Variants in VGLL4 observed in about 807,000 individuals in gnomAD.
VGLL4 encodes vestigial like family member 4, also known as transcription cofactor vestigial-like protein 4.
A neutral mutation model predicts 21.0 loss-of-function variants in VGLL4; 7 were observed. The ratio of observed to expected loss-of-function variants is 0.33; its 90% CI spans 0.19 to 0.63. VGLL4 has a LOEUF of 0.63. Among genes scored for constraint, VGLL4 ranks in the 20% least tolerant of loss-of-function variants. The pLI, the probability that VGLL4 is intolerant of heterozygous loss-of-function variation, is 0.78. For missense variants in VGLL4, 394 were observed against 425.7 expected (o/e 0.93, Z 0.66); for synonymous variants, 222 against 173.2 (o/e 1.28, Z -2.21).
intron 1 of VGLL4, among the ~76,000 whole-genome samples, chr3:11,628,597 G>A (rs1336033598): frequency 2.0e-5 from 3 of 151,474 alleles, no homozygotes; most frequent in African/African-American, 7.3e-5. Context: ...AAGGCGGGCG[G>A]ATCACGAGGT....
intron 2 of VGLL4, among the ~76,000 whole-genome samples, chr3:11,589,624 T>C (rs906990323): frequency 9.8e-5 from 15 of 152,362 alleles, no homozygotes; most frequent in Admixed American, 9.8e-4. Context: ...TAGCTTGAGC[T>C]GCCATAACAA....
intron 1 of VGLL4, among the ~76,000 whole-genome samples, chr3:11,714,238 C>A (rs879597990): frequency 2.1e-4 from 32 of 152,292 alleles, no homozygotes; most frequent in African/African-American, 7.7e-4. Context: ...TTACTGCTGG[C>A]TGAAGTCCAC....
intron 1 of VGLL4, among the ~76,000 whole-genome samples, chr3:11,623,866 G>A (rs1480552963): frequency 2.7e-5 from 4 of 150,530 alleles, no homozygotes; most frequent in African/African-American, 9.8e-5. Flanking sequence ...TCAACCTCCC[G>A]AGCAGCTGGG....
At chr3:11,711,962 C>T (rs1348833357) in intron 1 of VGLL4, among the ~76,000 whole-genome samples, 1 of 152,142 alleles carries the variant, frequency 6.6e-6, no homozygotes, top group Non-Finnish European at 1.5e-5. Flanking sequence ...GGTTTTAAAT[C>T]CTCCAGCTCT....
At chr3:11,655,325 T>C (rs768988676) in intron 2 of VGLL4, among the ~76,000 whole-genome samples, 6 of 152,212 alleles carry the variant, frequency 3.9e-5, no homozygotes, top group Non-Finnish European at 5.9e-5. Flanking sequence ...GGAGGGCACC[T>C]GGCTGCTTTT....
intron 3 of VGLL4, 103 bp from the exon 4 acceptor site, chr3:11,559,558 C>A: frequency 7.1e-7 from 1 of 1,402,406 alleles, no homozygotes. Flanking sequence ...TGGTGCCCTT[C>A]CTGACCCAGT....
intron 2 of VGLL4, among the ~76,000 whole-genome samples, chr3:11,573,327 GAAAGAAAGAAA>G: frequency 5.1e-5 from 2 of 39,518 alleles, no homozygotes. Flanking sequence ...AAGAAAGAAA[GAAAGAAAGAAA>G]GAAAGAAAGA....
chr3:11,590,845 T>C (rs113725121), intron 2 of VGLL4, among the ~76,000 whole-genome samples: 4 of 152,286 alleles, frequency 2.6e-5, no homozygotes, highest in African/African-American at 9.6e-5. Flanking sequence ...AAGCAAATAA[T>C]TGCTTTATCA....
chr3:11,590,016 T>C (rs1253527352), intron 2 of VGLL4, among the ~76,000 whole-genome samples: 2 of 152,164 alleles, frequency 1.3e-5, no homozygotes, highest in African/African-American at 2.4e-5. Flanking sequence ...GGCTAAACAG[T>C]GTTTCTGCGC....
chr3:11,614,622 G>A (rs913699012), intron 1 of VGLL4, among the ~76,000 whole-genome samples: 18 of 152,196 alleles, frequency 1.2e-4, no homozygotes, highest in Admixed American at 1.1e-3. Context: ...GGTTTCCCAC[G>A]GAAATTCATT....
chr3:11,605,430 C>T, intron 1 of VGLL4, among the ~76,000 whole-genome samples: 1 of 151,704 alleles, frequency 6.6e-6, no homozygotes, highest in Non-Finnish European at 1.5e-5. Flanking sequence ...CTGCCTTTCT[C>T]ATTTTTATTC....
intron 2 of VGLL4, among the ~76,000 whole-genome samples, chr3:11,672,405 A>C (rs2125369492): frequency 6.6e-6 from 1 of 152,252 alleles, no homozygotes; most frequent in South Asian, 2.1e-4. Context: ...TGCAAATTCT[A>C]CTATTCTAGT....
At chr3:11,637,963 G>A (rs1476072293) in intron 1 of VGLL4, among the ~76,000 whole-genome samples, 7 of 152,128 alleles carry the variant, frequency 4.6e-5, no homozygotes, top group Non-Finnish European at 1.0e-4. Flanking sequence ...AATAGAAACC[G>A]CCACTGAATA....
chr3:11,593,084 G>T (rs2074540921), intron 2 of VGLL4, among the ~76,000 whole-genome samples: 1 of 152,214 alleles, frequency 6.6e-6, no homozygotes, highest in Non-Finnish European at 1.5e-5. Context: ...TGCTAGCAGG[G>T]TCAAGGGACT....
intron 1 of VGLL4, among the ~76,000 whole-genome samples, chr3:11,640,978 A>C (rs6799062): frequency 4.0e-5 from 6 of 151,802 alleles, no homozygotes; most frequent in Non-Finnish European, 7.4e-5. Context: ...TGGGCCGGGC[A>C]TGGTGGCAGG....
upstream of VGLL4, among the ~76,000 whole-genome samples, chr3:11,721,004 C>T (rs1304061617): frequency 6.6e-6 from 1 of 152,172 alleles, no homozygotes; most frequent in Admixed American, 6.5e-5. Flanking sequence ...ACATATCCAG[C>T]GGCTAACTTC....
At chr3:11,612,110 C>T (rs1009583763) in intron 1 of VGLL4, 4 of 152,042 alleles carry the variant, frequency 2.6e-5, no homozygotes, top group South Asian at 2.1e-4. Context: ...TGTGAATATA[C>T]ACTAGTTTTT....
chr3:11,662,917 C>T (rs1393026809), intron 2 of VGLL4, among the ~76,000 whole-genome samples: 1 of 152,162 alleles, frequency 6.6e-6, no homozygotes, highest in Admixed American at 6.5e-5. Flanking sequence ...ACTTTCTTCA[C>T]AAACCGAGTT....
Position 11,719,376 on chromosome 3 carries a change from A to C in VGLL4, c.-14+1018T>G, listed in dbSNP as rs1156730975. On this transcript the variant is annotated intron_variant, in intron 1 of 5. Coordinates refer to the VGLL4 transcript ENST00000273038. The surrounding 1 kb of genome is among the most constrained non-coding windows in gnomAD (Gnocchi z 4.0). Reference sequence around the variant, plus strand: ...GCCCCTCTCAGGCCAGCCCTCGCCCAGCCCGGGTCCCGCCCCGCCGACCGG... The same window carrying C: ...GCCCCTCTCAGGCCAGCCCTCGCCCCGCCCGGGTCCCGCCCCGCCGACCGG... 2 of 152,022 alleles carry C rather than the reference A, an allele frequency of 1.3e-5. No homozygotes were observed. Among genetic ancestry groups the C allele is most frequent in the African/African-American group, 4.8e-5 (2 of 41,368 alleles). The allele number at this position is 152,022 out of a possible 1,614,324, so 9.4% of individuals were successfully genotyped here.
Sources: gnomAD v4.1 joint callset for allele counts (sites outside exome capture counted in the v4.1 genomes callset) on GRCh38, gnomAD v4.1.1 for gene constraint, Gnocchi (gnomAD v3.1) non-coding constraint, MANE v1.5 for transcripts, NCBI Gene and HGNC (gene_info 2026-07-23, HGNC 2026-07-21) for gene names.